The following ECSCR variants were observed in gnomAD, a reference collection of about 807,000 sequenced individuals.
The protein encoded by ECSCR is endothelial cell-specific chemotaxis regulator.
A neutral mutation model predicts 16.7 loss-of-function variants in ECSCR; 12 were observed. The observed-to-expected ratio is 0.72, with a 90% CI of 0.46 to 1.17. The LOEUF (loss-of-function observed/expected upper bound fraction) is 1.17. Ranked by LOEUF, ECSCR falls within the 50% of genes most tolerant of loss-of-function variation. The probability of loss-of-function intolerance (pLI) is 0.00; values close to 1 mark genes in which losing one functional copy is unlikely to be tolerated. For missense variants in ECSCR, 122 were observed against 116.1 expected, an observed-to-expected ratio of 1.05 and a Z score of -0.23; for synonymous variants, 44 against 42.2, an observed-to-expected ratio of 1.04 and a Z score of -0.17.
At chr5:139,457,828 C>T (rs1420181479) in intron 2 of ECSCR, 21 bp from the exon 3 acceptor site, 1 of 1,596,892 alleles carries the variant, frequency 6.3e-7, no homozygotes, top group Admixed American at 1.8e-5. Flanking sequence ...ACATCTGAGG[C>T]TGAGGGGTGC....
At position 139,454,917 on chromosome 5, in the gene ECSCR, A is replaced by T. The variant is rs1380301679; in HGVS notation, c.383T>A (p.Ile128Asn). ...AACCACCAGGATGACAATGAAGCTGATAACACCTGAACAGAGAAAAGAATG... is the reference window on the plus strand; with the variant it reads ...AACCACCAGGATGACAATGAAGCTGTTAACACCTGAACAGAGAAAAGAATG... Reference protein sequence around the residue: ...TVLTVAAFGVISFIVILVVVV... With the variant: ...TVLTVAAFGVNSFIVILVVVV... Residue 128 changes from isoleucine to asparagine, a missense_variant, in exon 7 of 10, where the codon ATC (isoleucine) becomes AAC (asparagine). Ile to Asn is a moderately radical substitution (Grantham distance 149). Coordinates refer to ENST00000618155, the MANE Select transcript of ECSCR (RefSeq NM_001077693.4). 2.5e-6 allele frequency: 1 copy of T among 398,734 alleles called. No homozygotes were observed. The highest frequency in any genetic ancestry group is 2.1e-5 in the African/African-American group (1 of 48,604). 24.7% of individuals were successfully genotyped at this position (398,734 alleles called of 1,614,324 possible). A position where few individuals can be genotyped will look rare whatever the true frequency, so the allele number is the denominator to read the frequency against.
intron 1 of ECSCR, among the ~76,000 whole-genome samples, chr5:139,461,585 C>A (rs1751304988): frequency 6.6e-6 from 1 of 152,206 alleles, no homozygotes; most frequent in Non-Finnish European, 1.5e-5. Flanking sequence ...TGAGCTTCAC[C>A]TGCAGTTTCC....
chr5:139,456,830 C>T (rs972730456), intron 4 of ECSCR, among the ~76,000 whole-genome samples: 15 of 152,176 alleles, frequency 9.9e-5, no homozygotes, highest in African/African-American at 1.4e-4. Context: ...CCCCTGTGGC[C>T]TCCTGAAGAG....
chr5:139,454,111 T>A lies in ECSCR; in HGVS notation c.512+491A>T, dbSNP rs1246825158. 6.9e-5 allele frequency among the ~76,000 whole-genome samples: 9 copies of A among 130,900 alleles called. No individual in the cohort carries two copies. The South Asian group carries it at 1.5e-3, about 22-fold the overall frequency. The allele number at this position is 130,900 out of a possible 152,430, so 85.9% of individuals were successfully genotyped here. On this transcript the variant is annotated intron_variant, in intron 8 of 9. Coordinates refer to ENST00000618155, the MANE Select transcript of ECSCR (RefSeq NM_001077693.4). ...ATGTGTGGGGTGTGTGTGTGATGTGTGATGTGTGGGGTGTGTGGTGTGTCT... is the reference window on the plus strand; with the variant it reads ...ATGTGTGGGGTGTGTGTGTGATGTGAGATGTGTGGGGTGTGTGGTGTGTCT...
intron 1 of ECSCR, 37 bp from the exon 2 acceptor site, chr5:139,458,220 C>T: frequency 6.5e-7 from 1 of 1,543,828 alleles, no homozygotes; most frequent in Non-Finnish European, 8.8e-7. Context: ...TTGGTAAGTC[C>T]CCTGCCCAGC....
At chr5:139,457,109 C>A (rs2089763305) in intron 4 of ECSCR, among the ~76,000 whole-genome samples, 1 of 152,216 alleles carries the variant, frequency 6.6e-6, no homozygotes, top group African/African-American at 2.4e-5. Flanking sequence ...ACCGGGTGGG[C>A]TCTTCAGTCC....
intron 1 of ECSCR, among the ~76,000 whole-genome samples, chr5:139,459,995 G>A (rs1472305879): frequency 6.6e-6 from 1 of 152,154 alleles, no homozygotes; most frequent in Non-Finnish European, 1.5e-5. Context: ...GGTCAAGAGG[G>A]GAGTCAAAAT....
rs1341632418 is a variant in ECSCR, at chr5:139,448,654, G to A, written c.*246C>T. ...TCTCTGTCACCTCCTCTTTCCTGTG[G>A]CTCTGAGGAGGTGGGAGAAGCAGGC... On this transcript the variant is annotated 3_prime_UTR_variant, in exon 10 of 10. Transcript: ENST00000618155. 5.0e-6 allele frequency: 6 copies of A among 1,188,752 alleles called. No individual in the cohort carries two copies. The highest frequency in any genetic ancestry group is 6.7e-6 in the Non-Finnish European group (6 of 895,842). 73.6% of individuals were successfully genotyped at this position (1,188,752 alleles called of 1,614,324 possible).
At chr5:139,448,931 G>A (rs1235340229) in intron 9 of ECSCR, 23 bp from the exon 10 acceptor site, 1 of 1,537,242 alleles carries the variant, frequency 6.5e-7, no homozygotes, top group South Asian at 1.2e-5. Flanking sequence ...TGCATAATGG[G>A]GAAGGGTGAA....
rs758520795 is a variant in ECSCR, at chr5:139,457,622, G to T, written c.158-18C>A. 3.1e-6 allele frequency: 3 copies of T among 967,972 alleles called. No individual in the cohort carries two copies. The South Asian group carries it at 3.8e-5, about 12-fold the overall frequency. 60.0% of individuals were successfully genotyped at this position (967,972 alleles called of 1,614,324 possible). A position where few individuals can be genotyped will look rare whatever the true frequency, so the allele number is the denominator to read the frequency against. On this transcript the variant is annotated intron_variant, in intron 3 of 9. Transcript: ENST00000618155. ...GATGTATCCTGCAAGGACAGAGGCAGATAGGGAGTGGGAGGTGGGGTAGGT... is the reference window on the plus strand; with the variant it reads ...GATGTATCCTGCAAGGACAGAGGCATATAGGGAGTGGGAGGTGGGGTAGGT...
chr5:139,449,087 TGAGA>T lies in ECSCR; in HGVS notation c.596_599del (p.Leu199GlnfsTer14). 6.5e-7 allele frequency: 1 copy of T among 1,537,134 alleles called. No homozygotes were observed. Among genetic ancestry groups the T allele is most frequent in the Non-Finnish European group, 8.7e-7 (1 of 1,146,788 alleles). ...AAACAGAAAAATGTACCTTCTCTGC[TGAGA>T]GACTTTGTTTGCCATTATTCATGTT... On this transcript the variant is annotated frameshift_variant, in exon 9 of 10. Transcript: ENST00000618155.
chr5:139,458,418 C>T (rs1210701065), intron 1 of ECSCR, among the ~76,000 whole-genome samples: 1 of 136,196 alleles, frequency 7.3e-6, no homozygotes, highest in Non-Finnish European at 1.5e-5. Flanking sequence ...TGCTTGAGAC[C>T]AGAAGGTTGA....
intron 8 of ECSCR, among the ~76,000 whole-genome samples, chr5:139,451,443 A>G (rs1250776513): frequency 1.4e-4 from 19 of 131,596 alleles, no homozygotes; most frequent in Middle Eastern, 5.6e-3. Context: ...AGTATGAGGT[A>G]TGTGTGTAGT....
chr5:139,455,864 C>T (rs1266778656), intron 5 of ECSCR, among the ~76,000 whole-genome samples: 1 of 150,500 alleles, frequency 6.6e-6, no homozygotes, highest in Admixed American at 6.6e-5. Flanking sequence ...TGGCTCACAC[C>T]TGTAATCCCA....
At chr5:139,454,080 T>G (rs1240677767) in intron 8 of ECSCR, among the ~76,000 whole-genome samples, 8 of 131,454 alleles carry the variant, frequency 6.1e-5, no homozygotes, top group Admixed American at 4.5e-4. Flanking sequence ...GTGGTGTGTT[T>G]GAGGTATGTG....
At chr5:139,457,690 C>T (rs1034778236) in intron 3 of ECSCR, 67 bp downstream of exon 3, 4 of 1,583,888 alleles carry the variant, frequency 2.5e-6, no homozygotes, top group Non-Finnish European at 3.5e-6. Flanking sequence ...AACCCCTGGG[C>T]TCCAAGCAGG....
chr5:139,454,074 T>A (rs1751102698), intron 8 of ECSCR, among the ~76,000 whole-genome samples: 2 of 135,620 alleles, frequency 1.5e-5, no homozygotes, highest in Non-Finnish European at 3.2e-5. Flanking sequence ...GGGTGTGTGG[T>A]GTGTTTGAGG....
intron 1 of ECSCR, 136 bp from the exon 2 acceptor site, chr5:139,458,319 TGTTTTG>T: frequency 1.2e-6 from 1 of 806,476 alleles, no homozygotes; most frequent in South Asian, 1.8e-5. Flanking sequence ...AATTTTGTTT[TGTTTTG>T]TTTTTTTTTT....
chr5:139,458,043 C>T lies in ECSCR; in HGVS notation c.106+96G>A, dbSNP rs529745957. ...CTCCCGCTCCAGCTGCGGCCCCAGC[C>T]CCCTGAGGTTAAGGCTAAATTGGCA... On this transcript the variant is annotated intron_variant, in intron 2 of 9. Transcript: ENST00000618155. The T allele has an allele frequency of 4.4e-6, 6 of 1,374,194 alleles. No homozygotes were observed. The African/African-American group carries it at 7.2e-5, about 17-fold the overall frequency. The allele number at this position is 1,374,194 out of a possible 1,614,324, so 85.1% of individuals were successfully genotyped here.
Sources: allele counts gnomAD v4.1 joint callset (sites outside exome capture counted in the v4.1 genomes callset), GRCh38; gene constraint gnomAD v4.1.1; transcripts MANE v1.5; gene names NCBI Gene and HGNC (gene_info 2026-07-23, HGNC 2026-07-21).